The following ARB2A variants were observed in gnomAD, a reference collection of about 807,000 sequenced individuals.
ARB2A encodes the protein cotranscriptional regulator ARB2A.
the ARB2A span, among the ~76,000 whole-genome samples, chr5:93,893,648 G>T: frequency 6.6e-6 from 1 of 152,074 alleles, no homozygotes; most frequent in East Asian, 1.9e-4. Flanking sequence ...TAGGCACTAG[G>T]ACTAAAACAA....
chr5:93,813,785 AT>A, the ARB2A span, among the ~76,000 whole-genome samples: 13 of 152,146 alleles, frequency 8.5e-5, no homozygotes, highest in Non-Finnish European at 1.6e-4. Flanking sequence ...ACTCTATAAT[AT>A]TTTTGTTATA....
chr5:93,766,822 A>C, the ARB2A span, among the ~76,000 whole-genome samples: 1 of 152,174 alleles, frequency 6.6e-6, no homozygotes, highest in Non-Finnish European at 1.5e-5. Context: ...GGATTAAGAA[A>C]ATGTGGCACA....
chr5:93,775,115 C>T, the ARB2A span, among the ~76,000 whole-genome samples: 1 of 151,838 alleles, frequency 6.6e-6, no homozygotes, highest in African/African-American at 2.4e-5. Flanking sequence ...TGGTTGAACC[C>T]TGGCTTATAG....
At chr5:93,958,708 A>C in the ARB2A span, 3 of 1,118,602 alleles carry the variant, frequency 2.7e-6, no homozygotes, top group South Asian at 5.3e-5. Flanking sequence ...TTTTTGAAGA[A>C]ACATAAAAAC....
the ARB2A span, among the ~76,000 whole-genome samples, chr5:94,023,189 T>C: frequency 6.6e-6 from 1 of 152,194 alleles, no homozygotes; most frequent in Admixed American, 6.5e-5. Flanking sequence ...GCAGCTATAA[T>C]GTCCAGTGGC....
chr5:94,097,526 G>C, the ARB2A span, among the ~76,000 whole-genome samples: 2 of 152,130 alleles, frequency 1.3e-5, no homozygotes, highest in African/African-American at 4.8e-5. Flanking sequence ...AGTCTCACAA[G>C]ATCTGATGGT....
At chr5:94,086,466 G>T in the ARB2A span, among the ~76,000 whole-genome samples, 500 of 152,204 alleles carry the variant, frequency 3.3e-3, 3 homozygotes, top group Non-Finnish European at 3.2e-3. Flanking sequence ...ATACTGCACT[G>T]CCAGTCATAT....
chr5:93,921,044 A>T, the ARB2A span, among the ~76,000 whole-genome samples: 1 of 152,224 alleles, frequency 6.6e-6, no homozygotes, highest in Middle Eastern at 3.4e-3. Flanking sequence ...AGCAAAAAAA[A>T]GTCATGACAT....
chr5:93,922,772 T>C, the ARB2A span, among the ~76,000 whole-genome samples: 1 of 151,276 alleles, frequency 6.6e-6, no homozygotes, highest in Non-Finnish European at 1.5e-5. Context: ...ACATAGAAGA[T>C]ACAGTGCCAG....
the ARB2A span, among the ~76,000 whole-genome samples, chr5:93,701,038 G>T: frequency 3.9e-5 from 6 of 152,126 alleles, no homozygotes; most frequent in African/African-American, 1.4e-4. Context: ...GATTCATATT[G>T]TGGGGAATGT....
chr5:94,064,395 C>A, the ARB2A span, among the ~76,000 whole-genome samples: 1 of 152,092 alleles, frequency 6.6e-6, no homozygotes, highest in Admixed American at 6.6e-5. Context: ...TCCCAGAAGG[C>A]AAAGAGAAAA....
chr5:93,945,443 T>C, the ARB2A span, among the ~76,000 whole-genome samples: 5 of 150,924 alleles, frequency 3.3e-5, no homozygotes, highest in Admixed American at 6.6e-5. Context: ...AAATGTAATC[T>C]ATGGAAGTAC....
chr5:93,893,035 A>C, the ARB2A span, among the ~76,000 whole-genome samples: 1 of 152,314 alleles, frequency 6.6e-6, no homozygotes, highest in African/African-American at 2.4e-5. Context: ...GTTCCGATTA[A>C]ATTGAAATAT....
chr5:94,018,202 G>C, the ARB2A span, among the ~76,000 whole-genome samples: 1 of 152,120 alleles, frequency 6.6e-6, no homozygotes, highest in Non-Finnish European at 1.5e-5. Context: ...CAATAAAGTG[G>C]TGCTGCCTAT....
At chr5:93,987,097 T>C in the ARB2A span, among the ~76,000 whole-genome samples, 1 of 152,102 alleles carries the variant, frequency 6.6e-6, no homozygotes, top group East Asian at 1.9e-4. Flanking sequence ...ATACACAAAA[T>C]TATCATCTTG....
chr5:93,988,670 A>T, the ARB2A span, among the ~76,000 whole-genome samples: 3 of 152,198 alleles, frequency 2.0e-5, no homozygotes, highest in African/African-American at 7.2e-5. Flanking sequence ...TCTAAAGCCA[A>T]TTCATGTAAT....
the ARB2A span, among the ~76,000 whole-genome samples, chr5:93,982,178 T>A: frequency 1.3e-5 from 2 of 152,088 alleles, no homozygotes; most frequent in Non-Finnish European, 2.9e-5. Context: ...AGAAAAAAAA[T>A]CACCTATATT....
At chr5:93,939,955 GT>G in the ARB2A span, among the ~76,000 whole-genome samples, 2,149 of 148,322 alleles carry the variant, frequency 0.014, 46 homozygotes, top group African/African-American at 0.045. Context: ...AACTGTATCC[GT>G]TTTTTTTTTA....
At chr5:93,715,351 G>T in the ARB2A span, among the ~76,000 whole-genome samples, 1 of 152,092 alleles carries the variant, frequency 6.6e-6, no homozygotes, top group Non-Finnish European at 1.5e-5. Context: ...ATACACAACT[G>T]CATTCTGATG....
Sources: allele counts gnomAD v4.1 joint callset (sites outside exome capture counted in the v4.1 genomes callset), GRCh38; gene constraint gnomAD v4.1.1; transcripts MANE v1.5; gene names NCBI Gene and HGNC (gene_info 2026-07-23, HGNC 2026-07-21).